Variants in MRE11 observed in about 807,000 individuals in gnomAD.
MRE11 encodes the protein double-strand break repair protein MRE11.
Under a neutral mutation model 91.7 loss-of-function variants are expected in MRE11, and 62 were observed. That is an observed-to-expected ratio of 0.68 (90% confidence interval 0.55 to 0.84). The LOEUF is 0.84. Among genes scored for constraint, MRE11 ranks in the 40% least tolerant of loss-of-function variants. The pLI is 0.00. For synonymous variants in MRE11, 273 were observed against 271.4 expected, an observed-to-expected ratio of 1.01 and a Z score of -0.06; for missense variants, 796 against 852.9, an observed-to-expected ratio of 0.93 and a Z score of 0.83.
At chr11:94,492,101 G>A (rs1383800093) in intron 2 of MRE11, among the ~76,000 whole-genome samples, 18 of 151,984 alleles carry the variant, frequency 1.2e-4, no homozygotes, top group Admixed American at 7.2e-4. Context: ...TTGAAACTAG[G>A]GTAAAAGACT....
At chr11:94,510,933 A>G in the MRE11 span, among the ~76,000 whole-genome samples, 3 of 152,220 alleles carry the variant, frequency 2.0e-5, no homozygotes, top group Non-Finnish European at 4.4e-5. Context: ...GGATTTTTGT[A>G]TGTTTTGTTC....
the MRE11 span, among the ~76,000 whole-genome samples, chr11:94,509,395 C>T: frequency 6.6e-6 from 1 of 151,954 alleles, no homozygotes; most frequent in African/African-American, 2.4e-5. Flanking sequence ...GTCCACTGCC[C>T]TTGATAAATT....
chr11:94,472,155 T>C (rs1265364325), intron 7 of MRE11, among the ~76,000 whole-genome samples: 1 of 152,060 alleles, frequency 6.6e-6, no homozygotes, highest in East Asian at 1.9e-4. Flanking sequence ...TATAAATATG[T>C]CCAGTAATTT....
chr11:94,435,056 G>A (rs1945566514), intron 18 of MRE11, among the ~76,000 whole-genome samples: 1 of 152,098 alleles, frequency 6.6e-6, no homozygotes, highest in African/African-American at 2.4e-5. Context: ...AACAGCAATA[G>A]GCAAAAAATC....
At chr11:94,452,252 G>A (rs1191883028) in intron 14 of MRE11, among the ~76,000 whole-genome samples, 2 of 150,920 alleles carry the variant, frequency 1.3e-5, no homozygotes, top group Non-Finnish European at 2.9e-5. Context: ...AGAAAATGTG[G>A]CCAAACAAAA....
chr11:94,511,880 G>C, the MRE11 span, among the ~76,000 whole-genome samples: 1 of 152,314 alleles, frequency 6.6e-6, no homozygotes, highest in African/African-American at 2.4e-5. Context: ...TGCTGAATTT[G>C]ATTTCATCTG....
At chr11:94,478,340 C>G (rs1445871701) in intron 6 of MRE11, among the ~76,000 whole-genome samples, 1 of 152,078 alleles carries the variant, frequency 6.6e-6, no homozygotes, top group Non-Finnish European at 1.5e-5. Context: ...TTTCATTTTC[C>G]TTATCTCTAA....
At chr11:94,443,905 G>A (rs2134882190) in intron 16 of MRE11, among the ~76,000 whole-genome samples, 1 of 148,556 alleles carries the variant, frequency 6.7e-6, no homozygotes, top group Admixed American at 6.7e-5. Flanking sequence ...TAAATCCTAA[G>A]TTCCTTCAAC....
upstream of MRE11, chr11:94,498,787 T>C: frequency 2.2e-6 from 1 of 444,452 alleles, no homozygotes; most frequent in East Asian, 4.2e-5. Flanking sequence ...ACTTAAAAAC[T>C]TGACACGGGT....
intron 19 of MRE11, 106 bp from the exon 20 acceptor site, chr11:94,420,287 G>C: frequency 1.2e-6 from 1 of 815,028 alleles, no homozygotes; most frequent in Non-Finnish European, 2.0e-6. Flanking sequence ...ATTTCACATG[G>C]GATAGACTTT....
chr11:94,495,427 A>T (rs775076570), upstream of MRE11, among the ~76,000 whole-genome samples: 9 of 152,342 alleles, frequency 5.9e-5, no homozygotes, highest in Admixed American at 1.3e-4. Flanking sequence ...AAACAAGAAC[A>T]AAGTTAGAGG....
chr11:94,486,661 G>A (rs1947149783), intron 3 of MRE11, among the ~76,000 whole-genome samples: 1 of 152,058 alleles, frequency 6.6e-6, no homozygotes, highest in Non-Finnish European at 1.5e-5. Context: ...TCAAACTCTG[G>A]GGTGCACTAG....
At chr11:94,465,507 C>G (rs906526924) in intron 10 of MRE11, among the ~76,000 whole-genome samples, 5 of 151,380 alleles carry the variant, frequency 3.3e-5, no homozygotes, top group African/African-American at 1.2e-4. Context: ...GCGATTCTCA[C>G]GCTTCAGCCT....
At chr11:94,444,010 T>C (rs1436002269) in intron 16 of MRE11, among the ~76,000 whole-genome samples, 1 of 150,580 alleles carries the variant, frequency 6.6e-6, no homozygotes, top group Non-Finnish European at 1.5e-5. Context: ...TCGGTTCAAG[T>C]ATTCTCCTGC....
chr11:94,493,428 A>G (rs1947347096), intron 1 of MRE11, among the ~76,000 whole-genome samples: 1 of 152,292 alleles, frequency 6.6e-6, no homozygotes, highest in Non-Finnish European at 1.5e-5. Flanking sequence ...CACCAGCAGG[A>G]TGACTGAAAA....
At chr11:94,442,862 TTC>T (rs1477563345) in intron 16 of MRE11, among the ~76,000 whole-genome samples, 2 of 152,178 alleles carry the variant, frequency 1.3e-5, no homozygotes, top group Non-Finnish European at 2.9e-5. Context: ...AGGCTGCCTT[TTC>T]TCTCTTTCTT....
At chr11:94,487,383 G>C (rs1947168602) in intron 3 of MRE11, among the ~76,000 whole-genome samples, 1 of 152,194 alleles carries the variant, frequency 6.6e-6, no homozygotes, top group South Asian at 2.1e-4. Context: ...CGAAAGTGCA[G>C]AATCTGAACC....
chr11:94,457,946 AT>A (rs1946304264), intron 13 of MRE11, among the ~76,000 whole-genome samples: 1 of 151,494 alleles, frequency 6.6e-6, no homozygotes, highest in South Asian at 2.1e-4. Context: ...AGGAGTCATG[AT>A]GTCACTCCAG....
upstream of MRE11, chr11:94,497,065 C>A: frequency 7.3e-7 from 1 of 1,367,784 alleles, no homozygotes; most frequent in Non-Finnish European, 1.0e-6. Flanking sequence ...TTGTGAGGAC[C>A]AAATGAGACA....
Sources: allele counts gnomAD v4.1 joint callset (sites outside exome capture counted in the v4.1 genomes callset), GRCh38; gene constraint gnomAD v4.1.1; transcripts MANE v1.5; gene names NCBI Gene and HGNC (gene_info 2026-07-23, HGNC 2026-07-21).